The following ZFHX3 variants were observed in gnomAD, a reference collection of about 807,000 sequenced individuals.
ZFHX3 encodes the protein zinc finger homeobox protein 3.
Under a neutral mutation model 279.1 loss-of-function variants are expected in ZFHX3, and 42 were observed. The ratio of observed to expected loss-of-function variants is 0.15; its 90% CI spans 0.12 to 0.19. The LOEUF is 0.19. Ranked by LOEUF, ZFHX3 falls within the 10% of genes least tolerant of loss-of-function variation. The probability of loss-of-function intolerance (pLI) is 1.00; values close to 1 mark genes in which losing one functional copy is unlikely to be tolerated. For missense variants in ZFHX3, 4,981 were observed against 4,754.0 expected (o/e 1.05, Z -1.40); for synonymous variants, 2,293 against 1,957.8 (o/e 1.17, Z -4.52).
chr16:73,432,746 C>G (rs1183677593), intron 3 of ZFHX3, among the ~76,000 whole-genome samples: 1 of 151,702 alleles, frequency 6.6e-6, no homozygotes. Flanking sequence ...CGTCTGTGAT[C>G]CTAAGAGCAT....
chr16:73,435,602 C>T (rs2017983667), intron 3 of ZFHX3, among the ~76,000 whole-genome samples: 1 of 152,162 alleles, frequency 6.6e-6, no homozygotes, highest in African/African-American at 2.4e-5. Context: ...TTTGTGACAA[C>T]CAAAATTACC....
rs576447843 is a variant in ZFHX3, at chr16:73,868,873, T to C, written c.-1608+22778A>G. Among the ~76,000 whole-genome samples the C allele has an allele frequency of 7.4e-4, 113 of 152,258 alleles. 1 individual carries two copies. The highest frequency in any genetic ancestry group is 1.1e-3 in the Non-Finnish European group (75 of 68,022). On this transcript the variant is annotated intron_variant, in intron 1 of 17. Coordinates refer to the ZFHX3 transcript ENST00000641206. ...AATACTCTGCATGATCAATTTATAATCTAAAGGCTTTAAAGCAGCTATTGA... is the reference window on the plus strand; with the variant it reads ...AATACTCTGCATGATCAATTTATAACCTAAAGGCTTTAAAGCAGCTATTGA...
intron 1 of ZFHX3, among the ~76,000 whole-genome samples, chr16:73,722,742 G>T (rs752550050): frequency 6.6e-6 from 1 of 152,088 alleles, no homozygotes; most frequent in Non-Finnish European, 1.5e-5. Flanking sequence ...CACAAAAAAA[G>T]TTTGCCATAT....
At chr16:73,570,309 T>C (rs746263922) in intron 2 of ZFHX3, among the ~76,000 whole-genome samples, 6 of 152,260 alleles carry the variant, frequency 3.9e-5, no homozygotes, top group Admixed American at 3.9e-4. Flanking sequence ...AACTTTCATC[T>C]GAAGTTAAAT....
At chr16:73,774,738 C>T (rs1297135477) in intron 1 of ZFHX3, among the ~76,000 whole-genome samples, 2 of 152,278 alleles carry the variant, frequency 1.3e-5, no homozygotes, top group East Asian at 3.9e-4. Flanking sequence ...ATCAGTCAGA[C>T]AACGGTGGTT....
intron 2 of ZFHX3, among the ~76,000 whole-genome samples, chr16:73,661,258 A>C (rs888171782): frequency 6.6e-6 from 1 of 152,240 alleles, no homozygotes; most frequent in African/African-American, 2.4e-5. Context: ...GTAGGTTATG[A>C]TGTAAACACA....
intron 4 of ZFHX3, among the ~76,000 whole-genome samples, chr16:72,870,809 T>C (rs1222174442): frequency 6.6e-6 from 1 of 152,144 alleles, no homozygotes; most frequent in Non-Finnish European, 1.5e-5. Context: ...AGGATATTAT[T>C]AGGAAAATTT....
At chr16:73,008,131 G>A (rs964531518) in intron 1 of ZFHX3, among the ~76,000 whole-genome samples, 5 of 151,900 alleles carry the variant, frequency 3.3e-5, no homozygotes, top group Admixed American at 3.3e-4. Flanking sequence ...GCTGTCTTTA[G>A]GCTTGTTTTA....
At chr16:73,734,161 T>A (rs573272331) in intron 1 of ZFHX3, among the ~76,000 whole-genome samples, 34 of 152,226 alleles carry the variant, frequency 2.2e-4, no homozygotes, top group Non-Finnish European at 2.8e-4. Context: ...GGAGCTCAGG[T>A]GGTAATGCTG....
At chr16:73,805,447 G>A (rs968364947) in intron 1 of ZFHX3, among the ~76,000 whole-genome samples, 1 of 152,184 alleles carries the variant, frequency 6.6e-6, no homozygotes. Flanking sequence ...GGGATTATAG[G>A]TGTGAGCTAC....
intron 9 of ZFHX3, chr16:72,791,530 G>T (rs1033369061): frequency 3.9e-5 from 6 of 152,228 alleles, no homozygotes; most frequent in African/African-American, 1.4e-4. Flanking sequence ...GGAAGCTCTG[G>T]CTCCTACCCT....
chr16:73,768,219 A>C lies in ZFHX3; in HGVS notation c.-1607-87979T>G, dbSNP rs75915365. On this transcript the variant is annotated intron_variant, in intron 1 of 17. Transcript: ENST00000641206. ...TTATAAAGTTCAATCCCTTGATGGG[A>C]CTTTTCTCCCATTTGTCAAATCCAG... is the stretch of plus-strand genomic sequence containing the variant. 1.8e-3 allele frequency among the ~76,000 whole-genome samples: 278 copies of C among 152,218 alleles called. 4 individuals are homozygous for C. The East Asian group carries it at 0.045, about 25-fold the overall frequency.
intron 4 of ZFHX3, among the ~76,000 whole-genome samples, chr16:72,844,700 C>G (rs77631158): frequency 6.6e-6 from 1 of 152,066 alleles, no homozygotes; most frequent in Non-Finnish European, 1.5e-5. Context: ...GCTTAGAGGT[C>G]GTTAAACCAT....
At chr16:73,821,178 T>C (rs2142348732) in intron 1 of ZFHX3, among the ~76,000 whole-genome samples, 1 of 152,286 alleles carries the variant, frequency 6.6e-6, no homozygotes, top group Non-Finnish European at 1.5e-5. Context: ...CAGAGATAAA[T>C]CTGTAAAATG....
intron 4 of ZFHX3, chr16:73,318,150 C>T (rs35380231): frequency 0.38 from 58,243 of 151,964 alleles, 11,787 homozygotes; most frequent in Non-Finnish European, 0.47. Context: ...TTGTTTTGCT[C>T]GGGGAAATGG....
chr16:73,623,413 T>C (rs2052386368), intron 2 of ZFHX3, among the ~76,000 whole-genome samples: 1 of 152,138 alleles, frequency 6.6e-6, no homozygotes, highest in Admixed American at 6.5e-5. Context: ...ACTTAAAGAC[T>C]CTTTCCAGCT....
intron 7 of ZFHX3, chr16:73,123,569 A>C (rs1966525484): frequency 6.6e-6 from 1 of 151,666 alleles, no homozygotes; most frequent in Non-Finnish European, 1.5e-5. Context: ...CAACAGAAGA[A>C]CTTCCAAGCT....
chr16:72,795,477 G>A lies in ZFHX3; in HGVS notation c.7205C>T (p.Ala2402Val), dbSNP rs1323821939. Residue 2402 changes from alanine to valine, a missense_variant, in exon 9 of 10, where the codon GCT (alanine) becomes GTT (valine). Transcript: ENST00000268489. ...TGTAAGCTGCAAGAAAGCGGAGGAA[G>A]CTGTATTATTGGCTGATGGTGCTGG... ...SAPAPSANNT[A>V]SSAFLQLTAE... 1 of 1,614,096 alleles carries A rather than the reference G, an allele frequency of 6.2e-7. No individual in the cohort carries two copies. Among genetic ancestry groups the A allele is most frequent in the Admixed American group, 1.7e-5 (1 of 60,000 alleles).
intron 3 of ZFHX3, among the ~76,000 whole-genome samples, chr16:73,344,145 T>C (rs766289636): frequency 6.6e-6 from 1 of 152,162 alleles, no homozygotes; most frequent in Non-Finnish European, 1.5e-5. Flanking sequence ...ACCTGGCACA[T>C]AGCACCTCAG....
Sources: allele counts gnomAD v4.1 joint callset (sites outside exome capture counted in the v4.1 genomes callset), GRCh38; gene constraint gnomAD v4.1.1; transcripts MANE v1.5; gene names NCBI Gene and HGNC (gene_info 2026-07-23, HGNC 2026-07-21).